RIMS2: variants seen among roughly 807,000 people sequenced by gnomAD.
RIMS2 encodes the protein regulating synaptic membrane exocytosis protein 2.
In RIMS2, 59 loss-of-function variants were observed where a neutral mutation model predicts 174.4. The ratio of observed to expected loss-of-function variants is 0.34; its 90% confidence interval spans 0.27 to 0.42. The LOEUF (loss-of-function observed/expected upper bound fraction) is 0.42. Among genes scored for constraint, RIMS2 ranks in the 10% least tolerant of loss-of-function variants. The pLI is 1.00. For synonymous variants in RIMS2, 606 were observed against 572.5 expected (o/e 1.06, Z -0.84); for missense variants, 1,620 against 1,666.3 (o/e 0.97, Z 0.48).
chr8:103,824,844 A>G (rs919674715), intron 3 of RIMS2, among the ~76,000 whole-genome samples: 11 of 152,220 alleles, frequency 7.2e-5, no homozygotes, highest in African/African-American at 9.6e-5. Context: ...TCATTTCATC[A>G]TAAGTCCTTT....
chr8:103,958,376 A>T (rs1296419472), intron 14 of RIMS2, among the ~76,000 whole-genome samples: 2 of 152,130 alleles, frequency 1.3e-5, no homozygotes, highest in East Asian at 3.9e-4. Context: ...ACACAAGGAA[A>T]GGAACAACAG....
intron 3 of RIMS2, among the ~76,000 whole-genome samples, chr8:103,843,814 A>T (rs1007914195): frequency 6.6e-6 from 1 of 152,154 alleles, no homozygotes; most frequent in Non-Finnish European, 1.5e-5. Context: ...ATAAAAATTT[A>T]TGATTGTTGT....
At chr8:104,045,545 A>T (rs2096678694) in intron 19 of RIMS2, among the ~76,000 whole-genome samples, 1 of 151,876 alleles carries the variant, frequency 6.6e-6, no homozygotes, top group African/African-American at 2.4e-5. Context: ...AATTTTTAGA[A>T]TTACTTCCAG....
intron 1 of RIMS2, among the ~76,000 whole-genome samples, chr8:103,563,889 A>G (rs1385447588): frequency 1.3e-5 from 2 of 152,092 alleles, no homozygotes; most frequent in Non-Finnish European, 2.9e-5. Flanking sequence ...TACAGGGGAA[A>G]CTCTCTTATA....
chr8:104,083,284 A>G (rs987770014), intron 19 of RIMS2, among the ~76,000 whole-genome samples: 1 of 152,164 alleles, frequency 6.6e-6, no homozygotes, highest in Non-Finnish European at 1.5e-5. Flanking sequence ...CTTCTAAAGT[A>G]CTAATAATTG....
At chr8:103,898,106 A>G (rs1297526853) in intron 4 of RIMS2, among the ~76,000 whole-genome samples, 1 of 151,682 alleles carries the variant, frequency 6.6e-6, no homozygotes, top group Non-Finnish European at 1.5e-5. Context: ...CATGACCACT[A>G]GGTCTCTAAA....
chr8:104,057,314 C>T (rs1487972938), intron 19 of RIMS2, among the ~76,000 whole-genome samples: 3 of 151,936 alleles, frequency 2.0e-5, no homozygotes, highest in Admixed American at 6.6e-5. Flanking sequence ...GCAGTCCTCC[C>T]GCCTCAGCCT....
intron 2 of RIMS2, among the ~76,000 whole-genome samples, chr8:103,730,749 T>C (rs922800455): frequency 4.1e-4 from 62 of 152,332 alleles, no homozygotes; most frequent in African/African-American, 1.5e-3. Flanking sequence ...AACTCTAGTA[T>C]TTTCTGTAGG....
At chr8:103,761,569 G>T (rs1469939795) in intron 2 of RIMS2, among the ~76,000 whole-genome samples, 1 of 152,114 alleles carries the variant, frequency 6.6e-6, no homozygotes, top group Non-Finnish European at 1.5e-5. Flanking sequence ...ATTTTTAAAA[G>T]TTTATGAAAG....
At chr8:103,758,870 G>A (rs895649992) in intron 2 of RIMS2, among the ~76,000 whole-genome samples, 2 of 152,156 alleles carry the variant, frequency 1.3e-5, no homozygotes, top group Non-Finnish European at 2.9e-5. Flanking sequence ...AGGGTTAAAA[G>A]TTTAAATTTA....
At chr8:103,608,971 A>T (rs2095264629) in intron 1 of RIMS2, among the ~76,000 whole-genome samples, 1 of 152,178 alleles carries the variant, frequency 6.6e-6, no homozygotes, top group South Asian at 2.1e-4. Context: ...TCACGCTGGG[A>T]GCTGTAGACC....
chr8:103,505,547 C>T (rs923355308), intron 1 of RIMS2, among the ~76,000 whole-genome samples: 1 of 151,924 alleles, frequency 6.6e-6, no homozygotes, highest in Admixed American at 6.6e-5. Context: ...TAGTATTTAT[C>T]ACAGTATTAT....
intron 1 of RIMS2, among the ~76,000 whole-genome samples, chr8:103,505,220 A>G (rs571923013): frequency 2.6e-5 from 4 of 152,238 alleles, no homozygotes; most frequent in Admixed American, 2.0e-4. Flanking sequence ...TTTATATTGT[A>G]TACTCTTCTA....
chr8:103,534,637 TAAC>T (rs1838959834), intron 1 of RIMS2, among the ~76,000 whole-genome samples: 1 of 152,194 alleles, frequency 6.6e-6, no homozygotes, highest in Non-Finnish European at 1.5e-5. Context: ...AGATCAGCAT[TAAC>T]AACAGGACAT....
intron 1 of RIMS2, among the ~76,000 whole-genome samples, chr8:103,649,970 GTGT>G (rs1318103090): frequency 6.6e-6 from 1 of 152,114 alleles, no homozygotes; most frequent in East Asian, 1.9e-4. Context: ...TACTGGACAG[GTGT>G]TGTGGTCATT....
chr8:104,011,914 A>C (rs78418706), intron 17 of RIMS2, among the ~76,000 whole-genome samples: 10,045 of 152,060 alleles, frequency 0.066, 404 homozygotes, highest in Admixed American at 0.1. Flanking sequence ...TTAGACTAAA[A>C]ACATGCAGCA....
intron 19 of RIMS2, among the ~76,000 whole-genome samples, chr8:104,223,163 G>A (rs1423793300): frequency 2.0e-5 from 3 of 152,218 alleles, no homozygotes; most frequent in East Asian, 3.9e-4. Flanking sequence ...ACCACGCGGA[G>A]GGAAGAGGAA....
chr8:104,000,875 T>G (rs779519175), intron 17 of RIMS2, among the ~76,000 whole-genome samples: 30 of 151,948 alleles, frequency 2.0e-4, no homozygotes, highest in Non-Finnish European at 3.8e-4. Context: ...AAATGTCTAT[T>G]CAAATATTTT....
intron 3 of RIMS2, among the ~76,000 whole-genome samples, chr8:103,794,578 C>G (rs567725798): frequency 1.1e-4 from 17 of 152,282 alleles, no homozygotes; most frequent in Middle Eastern, 6.8e-3. Context: ...CCAGAATAGA[C>G]TAATGGGATC....
Sources: allele counts gnomAD v4.1 joint callset (sites outside exome capture counted in the v4.1 genomes callset), GRCh38; gene constraint gnomAD v4.1.1; transcripts MANE v1.5; gene names NCBI Gene and HGNC (gene_info 2026-07-23, HGNC 2026-07-21).